ZCWPW2: variants seen among roughly 807,000 people sequenced by gnomAD.
ZCWPW2 encodes the protein zinc finger CW-type and PWWP domain containing 2, also known as zinc finger CW-type PWWP domain protein 2.
A neutral mutation model predicts 46.6 loss-of-function variants in ZCWPW2; 45 were observed. The observed-to-expected ratio is 0.96, with a 90% CI of 0.76 to 1.24. The LOEUF (loss-of-function observed/expected upper bound fraction) is 1.24. Among genes scored for constraint, ZCWPW2 ranks in the 50% most tolerant of loss-of-function variants. The pLI is 0.00. For synonymous variants in ZCWPW2, 152 were observed against 137.1 expected (o/e 1.11, Z -0.76); for missense variants, 429 against 403.9 (o/e 1.06, Z -0.53).
chr3:28,365,378 T>G (rs528958831), intron 1 of ZCWPW2, among the ~76,000 whole-genome samples: 2 of 141,688 alleles, frequency 1.4e-5, no homozygotes, highest in African/African-American at 5.0e-5. Context: ...TAGCCAGTTT[T>G]CCCAGCACCA....
At chr3:28,519,318 C>G (rs1700657761) in intron 8 of ZCWPW2, among the ~76,000 whole-genome samples, 1 of 152,106 alleles carries the variant, frequency 6.6e-6, no homozygotes, top group African/African-American at 2.4e-5. Context: ...TAGTCTATGC[C>G]TATTTTCTTG....
rs577938070 is a variant in ZCWPW2, at chr3:28,348,930, G to A, written c.-407G>A. ...GCCGTCGGGACCAGCACGGGCCGGA[G>A]GGAGGGGAAGCACTCCGGAAAGTGA... On this transcript the variant is annotated 5_prime_UTR_variant, in exon 1 of 10. Transcript: ENST00000383768. 1.2e-5 allele frequency: 12 copies of A among 984,708 alleles called. No homozygotes were observed. In the African/African-American group the frequency reaches 1.9e-4, roughly 16 times the overall value. 61.0% of individuals were successfully genotyped at this position (984,708 alleles called of 1,614,324 possible).
chr3:28,404,633 A>C (rs746768575), intron 2 of ZCWPW2, among the ~76,000 whole-genome samples: 9 of 152,216 alleles, frequency 5.9e-5, no homozygotes, highest in African/African-American at 1.4e-4. Flanking sequence ...TCAAATGCCC[A>C]TCAATCAATG....
intron 1 of ZCWPW2, among the ~76,000 whole-genome samples, chr3:28,379,280 A>G (rs954441266): frequency 6.6e-6 from 1 of 152,210 alleles, no homozygotes; most frequent in African/African-American, 2.4e-5. Context: ...AGGAAAATTT[A>G]TCTTTTGAGA....
At chr3:28,467,731 A>G (rs1698879222) in intron 4 of ZCWPW2, among the ~76,000 whole-genome samples, 1 of 152,020 alleles carries the variant, frequency 6.6e-6, no homozygotes. Context: ...CTTATCCAAC[A>G]CTCTATGAGT....
chr3:28,458,046 TA>T (rs1415892809), intron 4 of ZCWPW2, among the ~76,000 whole-genome samples: 2 of 152,230 alleles, frequency 1.3e-5, no homozygotes, highest in African/African-American at 2.4e-5. Flanking sequence ...CAACACCACT[TA>T]TTTTTTTATG....
intron 1 of ZCWPW2, among the ~76,000 whole-genome samples, chr3:28,367,630 G>C (rs1285288366): frequency 6.6e-6 from 1 of 152,208 alleles, no homozygotes; most frequent in South Asian, 2.1e-4. Context: ...TGTTGATTTG[G>C]GGTGGAGAGT....
chr3:28,393,579 G>A (rs1366985560), intron 2 of ZCWPW2, among the ~76,000 whole-genome samples: 2 of 151,920 alleles, frequency 1.3e-5, no homozygotes, highest in Non-Finnish European at 2.9e-5. Context: ...CACATTAAAA[G>A]GATCATACAC....
At chr3:28,424,491 G>T (rs1452733276) in intron 3 of ZCWPW2, among the ~76,000 whole-genome samples, 1 of 152,120 alleles carries the variant, frequency 6.6e-6, no homozygotes, top group Non-Finnish European at 1.5e-5. Context: ...ATAAGAAGAG[G>T]AGATTAGAAC....
At chr3:28,363,152 C>A (rs919392295) in intron 1 of ZCWPW2, among the ~76,000 whole-genome samples, 1 of 152,156 alleles carries the variant, frequency 6.6e-6, no homozygotes. Context: ...AATCTGTACA[C>A]CAAACTCCTG....
intron 2 of ZCWPW2, among the ~76,000 whole-genome samples, chr3:28,398,757 G>C (rs888398492): frequency 6.6e-6 from 1 of 152,126 alleles, no homozygotes; most frequent in African/African-American, 2.4e-5. Context: ...TGAAATACAG[G>C]GGTAGCGGAA....
intron 4 of ZCWPW2, among the ~76,000 whole-genome samples, chr3:28,439,637 A>C (rs1398733585): frequency 5.3e-5 from 8 of 152,234 alleles, no homozygotes; most frequent in African/African-American, 4.8e-5. Flanking sequence ...TAATGAGATC[A>C]TAATTATGCC....
intron 4 of ZCWPW2, among the ~76,000 whole-genome samples, chr3:28,456,501 G>A (rs758643284): frequency 5.3e-5 from 8 of 152,070 alleles, no homozygotes; most frequent in South Asian, 2.1e-4. Context: ...CCATAATTTC[G>A]AATATTGTGT....
chr3:28,352,153 C>CAA (rs779497251), intron 1 of ZCWPW2, among the ~76,000 whole-genome samples: 32 of 147,390 alleles, frequency 2.2e-4, no homozygotes, highest in Non-Finnish European at 4.4e-4. Flanking sequence ...CACACACACA[C>CAA]ACACACACAC....
At chr3:28,442,592 A>G (rs1415586872) in intron 4 of ZCWPW2, among the ~76,000 whole-genome samples, 2 of 152,206 alleles carry the variant, frequency 1.3e-5, no homozygotes, top group Admixed American at 1.3e-4. Context: ...GCTGAAGGCA[A>G]ATTGCTTCTG....
At chr3:28,417,106 G>A (rs1027257773) in intron 3 of ZCWPW2, among the ~76,000 whole-genome samples, 3 of 150,004 alleles carry the variant, frequency 2.0e-5, no homozygotes, top group South Asian at 2.1e-4. Flanking sequence ...AGACCGCTAG[G>A]AAGACTAATA....
At chr3:28,387,954 T>C (rs971071300) in intron 1 of ZCWPW2, among the ~76,000 whole-genome samples, 5 of 152,126 alleles carry the variant, frequency 3.3e-5, no homozygotes, top group Admixed American at 2.6e-4. Context: ...AAAATGTGTA[T>C]GTATAGAGAG....
In ZCWPW2 at chr3:28,463,055, C is replaced by T. The variant is rs1270989812; in HGVS notation, c.493-15759C>T. Among the ~76,000 whole-genome samples, 4 of 152,144 alleles carry T rather than the reference C, an allele frequency of 2.6e-5. No homozygotes were observed. In the East Asian group the frequency reaches 7.7e-4, roughly 29 times the overall value. ...TAGAGCATTATCTTCTCTGTCTAGCCGTATGTTTAGTCTCAAACCTCACTC... is the reference window on the plus strand; with the variant it reads ...TAGAGCATTATCTTCTCTGTCTAGCTGTATGTTTAGTCTCAAACCTCACTC... On this transcript the variant is annotated intron_variant, in intron 4 of 9. Transcript: ENST00000383768.
At chr3:28,417,093 G>A (rs1321021521) in intron 3 of ZCWPW2, among the ~76,000 whole-genome samples, 2 of 142,384 alleles carry the variant, frequency 1.4e-5, no homozygotes, top group Non-Finnish European at 1.5e-5. Flanking sequence ...CAACAAAATT[G>A]ATAGACCGCT....
Sources: gnomAD v4.1 joint callset for allele counts (sites outside exome capture counted in the v4.1 genomes callset) on GRCh38, gnomAD v4.1.1 for gene constraint, MANE v1.5 for transcripts, NCBI Gene and HGNC (gene_info 2026-07-23, HGNC 2026-07-21) for gene names.